CDK1: variants seen among roughly 807,000 people sequenced by gnomAD.
CDK1 encodes cyclin dependent kinase 1, also known as cyclin-dependent kinase 1.
A neutral mutation model predicts 34.6 loss-of-function variants in CDK1; 5 were observed. The ratio of observed to expected loss-of-function variants is 0.14; its 90% confidence interval spans 0.08 to 0.30. CDK1 has a LOEUF of 0.30. Ranked by LOEUF, CDK1 falls within the 10% of genes least tolerant of loss-of-function variation. CDK1 has a pLI of 1.00. For synonymous variants in CDK1, 108 were observed against 114.7 expected (o/e 0.94, Z 0.37); for missense variants, 157 against 345.7 (o/e 0.45, Z 4.33).
chr10:60,786,334 T>A (rs934819641), intron 4 of CDK1: 31 of 899,736 alleles, frequency 3.4e-5, no homozygotes, highest in East Asian at 1.2e-4. Flanking sequence ...ATATAAAGAT[T>A]TTTTTTTTTA....
At chr10:60,785,905 T>C in intron 4 of CDK1, 118 bp downstream of exon 4, 1 of 1,318,670 alleles carries the variant, frequency 7.6e-7, no homozygotes. Flanking sequence ...TAAGAAAAAG[T>C]ATTTCATTTT....
In CDK1 at chr10:60,794,825, T is replaced by C. The variant is rs1172297923; in HGVS notation, c.*850T>C. On this transcript the variant is annotated 3_prime_UTR_variant, in exon 8 of 8. Coordinates refer to ENST00000395284, the MANE Select transcript of CDK1 (RefSeq NM_001786.5). ...TGTATATTTAACTAAAATTACTAGC[T>C]TTGGGAATTAAACTGTTTAACAAAT... 1 of 152,134 alleles carries C rather than the reference T, an allele frequency of 6.6e-6. No homozygotes were observed. The highest frequency in any genetic ancestry group is 1.5e-5 in the Non-Finnish European group (1 of 67,992). 9.4% of individuals were successfully genotyped at this position (152,134 alleles called of 1,614,324 possible). A position where few individuals can be genotyped will look rare whatever the true frequency, so the allele number is the denominator to read the frequency against.
At chr10:60,785,527 T>C in intron 3 of CDK1, 137 bp from the exon 4 acceptor site, 1 of 574,544 alleles carries the variant, frequency 1.7e-6, no homozygotes, top group East Asian at 2.7e-5. Context: ...GAGTTTTGAG[T>C]CTCTTCCATT....
chr10:60,786,107 G>T, intron 4 of CDK1: 1 of 1,001,588 alleles, frequency 1.0e-6, no homozygotes, highest in Non-Finnish European at 1.2e-6. Context: ...GCAGAGTGGT[G>T]GTTGTAGGTG....
intron 4 of CDK1, chr10:60,786,602 T>TA (rs1589112324): frequency 1.2e-5 from 2 of 166,820 alleles, no homozygotes; most frequent in East Asian, 3.8e-4. Context: ...AATGATGGAT[T>TA]GAAGATGTTT....
chr10:60,793,387 G>A (rs1589115418), intron 7 of CDK1, among the ~76,000 whole-genome samples: 1 of 152,072 alleles, frequency 6.6e-6, no homozygotes, highest in African/African-American at 2.4e-5. Context: ...AACATACTAA[G>A]TTGTGTGACT....
chr10:60,780,092 C>A, intron 1 of CDK1, 49 bp from the exon 2 acceptor site: 1 of 869,114 alleles, frequency 1.2e-6, no homozygotes, highest in Non-Finnish European at 2.0e-6. Context: ...ATGCTTAAAA[C>A]TACTCGAGTT....
chr10:60,791,937 T>G lies in CDK1; in HGVS notation c.537T>G (p.Ala179=). Residue 179 remains alanine, a synonymous_variant, in exon 6 of 8, where the codon GCT becomes GCG. Coordinates refer to ENST00000395284, the MANE Select transcript of CDK1 (RefSeq NM_001786.5). ...YRSPEVLLGS[A]RYSTPVDIWS... Reference sequence around the variant, plus strand: ...CTCCAGAAGTATTGCTGGGGTCAGCTCGTTACTCAACTCCAGTTGACATTT... The same window carrying G: ...CTCCAGAAGTATTGCTGGGGTCAGCGCGTTACTCAACTCCAGTTGACATTT... 6.2e-7 allele frequency: 1 copy of G among 1,613,176 alleles called. No homozygotes were observed. The highest frequency in any genetic ancestry group is 1.3e-5 in the African/African-American group (1 of 75,008).
chr10:60,790,315 C>A (rs1170415236), intron 5 of CDK1, among the ~76,000 whole-genome samples: 1 of 152,158 alleles, frequency 6.6e-6, no homozygotes, highest in African/African-American at 2.4e-5. Context: ...GTGAACAGGG[C>A]TCACTGCAAC....
chr10:60,782,472 C>A (rs1377843692), intron 2 of CDK1, among the ~76,000 whole-genome samples: 3 of 152,064 alleles, frequency 2.0e-5, no homozygotes, highest in Non-Finnish European at 4.4e-5. Context: ...TCTTTGAAAT[C>A]CTTCCTGTCT....
intron 4 of CDK1, chr10:60,786,225 G>A: frequency 1.1e-6 from 1 of 931,538 alleles, no homozygotes; most frequent in Middle Eastern, 5.6e-4. Context: ...ATATAAAAGT[G>A]TCTTATTCTT....
At chr10:60,789,281 T>G (rs555979297) in intron 5 of CDK1, among the ~76,000 whole-genome samples, 1 of 152,216 alleles carries the variant, frequency 6.6e-6, no homozygotes, top group East Asian at 1.9e-4. Flanking sequence ...ATTTGAAAAT[T>G]TACAGTAAAT....
chr10:60,793,814 G>T, intron 7 of CDK1, 63 bp from the exon 8 acceptor site: 1 of 859,198 alleles, frequency 1.2e-6, no homozygotes, highest in African/African-American at 1.8e-5. Flanking sequence ...GAGGTTTTAT[G>T]GAGATTTTTG....
At chr10:60,786,046 G>C in intron 4 of CDK1, 2 of 1,077,758 alleles carry the variant, frequency 1.9e-6, no homozygotes, top group Non-Finnish European at 2.2e-6. Flanking sequence ...GGGTAGTCTG[G>C]TCTTTCTTTG....
intron 2 of CDK1, among the ~76,000 whole-genome samples, chr10:60,783,046 A>G (rs1298190023): frequency 6.6e-6 from 1 of 152,168 alleles, no homozygotes; most frequent in Non-Finnish European, 1.5e-5. Context: ...ATGTGACTGT[A>G]TTATGCAAGT....
intron 4 of CDK1, 183 bp downstream of exon 4, chr10:60,785,970 G>A: frequency 8.4e-7 from 1 of 1,188,128 alleles, no homozygotes; most frequent in Non-Finnish European, 1.0e-6. Flanking sequence ...TTACCAGATA[G>A]TGTTTCTAGT....
At chr10:60,783,050 T>A (rs2080286052) in intron 2 of CDK1, among the ~76,000 whole-genome samples, 1 of 152,192 alleles carries the variant, frequency 6.6e-6, no homozygotes, top group Non-Finnish European at 1.5e-5. Flanking sequence ...GACTGTATTA[T>A]GCAAGTGACT....
At chr10:60,782,999 G>GA (rs1177113617) in intron 2 of CDK1, among the ~76,000 whole-genome samples, 1 of 151,884 alleles carries the variant, frequency 6.6e-6, no homozygotes, top group Non-Finnish European at 1.5e-5. Context: ...AAGGATGCTA[G>GA]AAAAAAAATT....
At position 60,785,763 on chromosome 10, in the gene CDK1, G is replaced by C. The variant is rs771169549; in HGVS notation, c.294G>C (p.Gln98His). 1.9e-6 allele frequency: 3 copies of C among 1,595,850 alleles called. No homozygotes were observed. The East Asian group carries it at 6.7e-5, about 36-fold the overall frequency. ...ACTTGGATTCTATCCCTCCTGGTCA[G>C]TACATGGATTCTTCACTTGTTAAGG... Reference protein sequence around the residue: ...KKYLDSIPPGQYMDSSLVKSY... With the variant: ...KKYLDSIPPGHYMDSSLVKSY... Residue 98 changes from glutamine to histidine, a missense_variant, in exon 4 of 8, where the codon CAG becomes CAC. This residue lies in a region of CDK1 where 102 missense variants were observed against 233.6 expected (regional missense o/e 0.44). Transcript: ENST00000395284.
Sources: allele counts gnomAD v4.1 joint callset (sites outside exome capture counted in the v4.1 genomes callset), GRCh38; gene constraint gnomAD v4.1.1; regional missense constraint gnomAD v4.1.1; transcripts MANE v1.5; gene names NCBI Gene and HGNC (gene_info 2026-07-23, HGNC 2026-07-21).